MYOZ2: variants seen among roughly 807,000 people sequenced by gnomAD.
MYOZ2 encodes the protein myozenin 2.
In MYOZ2, 19 loss-of-function variants were observed where a neutral mutation model predicts 25.4. The observed-to-expected ratio is 0.75, with a 90% CI of 0.52 to 1.10. The LOEUF (loss-of-function observed/expected upper bound fraction) is 1.10, where lower values mean the gene tolerates loss of function less well. Among genes scored for constraint, MYOZ2 ranks in the 50% least tolerant of loss-of-function variants. The pLI is 0.00. For synonymous variants in MYOZ2, 92 were observed against 106.9 expected, an observed-to-expected ratio of 0.86 and a Z score of 0.86; for missense variants, 270 against 317.9, an observed-to-expected ratio of 0.85 and a Z score of 1.15.
chr4:119,150,773 T>C (rs1416193894), intron 2 of MYOZ2, 99 bp from the exon 3 acceptor site: 43 of 1,203,754 alleles, frequency 3.6e-5, no homozygotes, highest in Middle Eastern at 2.1e-4. Flanking sequence ...CTTATGATTA[T>C]GCAATTAGAA....
chr4:119,136,643 T>G (rs1431058262), intron 2 of MYOZ2, 42 bp downstream of exon 2: 1 of 1,559,776 alleles, frequency 6.4e-7, no homozygotes, highest in Non-Finnish European at 8.8e-7. Context: ...TAGCACAGCA[T>G]GAATGTGGCT....
chr4:119,178,866 CA>C (rs1324856778), intron 5 of MYOZ2, among the ~76,000 whole-genome samples: 1 of 152,204 alleles, frequency 6.6e-6, no homozygotes, highest in Non-Finnish European at 1.5e-5. Context: ...CTCGGCCTCC[CA>C]AAGTGCTGGG....
At chr4:119,176,809 T>A (rs566237253) in intron 5 of MYOZ2, among the ~76,000 whole-genome samples, 3 of 152,254 alleles carry the variant, frequency 2.0e-5, no homozygotes, top group African/African-American at 7.2e-5. Flanking sequence ...GTGAGTACTA[T>A]GTATCAGGCA....
rs79573939 is a variant in MYOZ2, at chr4:119,150,039, G to T, written c.77-833G>T. Reference sequence around the variant, plus strand: ...TCAACTGTGGCAAAAAGACTCTGTGGGTATTACAGAAATATATTAGTGATT... The same window carrying T: ...TCAACTGTGGCAAAAAGACTCTGTGTGTATTACAGAAATATATTAGTGATT... On this transcript the variant is annotated intron_variant, in intron 2 of 5. Transcript: ENST00000307128. 4.9e-3 allele frequency among the ~76,000 whole-genome samples: 743 copies of T among 152,116 alleles called. 3 individuals carry two copies. Among genetic ancestry groups the T allele is most frequent in the African/African-American group, 0.017 (705 of 41,502 alleles).
intron 2 of MYOZ2, among the ~76,000 whole-genome samples, chr4:119,140,756 A>G (rs1741144250): frequency 6.6e-6 from 1 of 152,188 alleles, no homozygotes; most frequent in African/African-American, 2.4e-5. Context: ...GAACTAGATT[A>G]TTCTGTTTGT....
chr4:119,140,283 G>T (rs958931822), intron 2 of MYOZ2, among the ~76,000 whole-genome samples: 19 of 152,254 alleles, frequency 1.2e-4, no homozygotes, highest in Admixed American at 1.2e-3. Flanking sequence ...CATGAAGACC[G>T]CTTTTACTTC....
At position 119,158,010 on chromosome 4, in the gene MYOZ2, G is replaced by C. The variant is rs766361299; in HGVS notation, c.247-12G>C. On this transcript the variant is annotated splice_polypyrimidine_tract_variant and intron_variant, in intron 3 of 5. Coordinates refer to ENST00000307128, the MANE Select transcript of MYOZ2 (RefSeq NM_016599.5). Reference sequence around the variant, plus strand: ...TGAGTTTTCAGCAGAGTTTACTTTTGATTAAATACAGCACAGTATTGCTAT... The same window carrying C: ...TGAGTTTTCAGCAGAGTTTACTTTTCATTAAATACAGCACAGTATTGCTAT... 3.7e-6 allele frequency: 6 copies of C among 1,613,694 alleles called. No individual in the cohort carries two copies. In the South Asian group the frequency reaches 6.6e-5, roughly 18 times the overall value.
chr4:119,157,205 C>A (rs547060853), intron 3 of MYOZ2, among the ~76,000 whole-genome samples: 1 of 151,954 alleles, frequency 6.6e-6, no homozygotes, highest in Non-Finnish European at 1.5e-5. Flanking sequence ...ATGATTTGAC[C>A]TAATCGCTTC....
chr4:119,185,039 A>C (rs1742261519), intron 5 of MYOZ2, among the ~76,000 whole-genome samples: 1 of 152,190 alleles, frequency 6.6e-6, no homozygotes, highest in South Asian at 2.1e-4. Flanking sequence ...ACACAAGTGG[A>C]GAAGTCAGGG....
At chr4:119,166,584 G>A (rs1452359547) in intron 5 of MYOZ2, among the ~76,000 whole-genome samples, 1 of 151,744 alleles carries the variant, frequency 6.6e-6, no homozygotes, top group Non-Finnish European at 1.5e-5. Flanking sequence ...TGCTTTAGAA[G>A]TCCACTTAAA....
intron 5 of MYOZ2, among the ~76,000 whole-genome samples, chr4:119,171,636 C>T (rs1469823770): frequency 1.3e-5 from 2 of 150,878 alleles, no homozygotes; most frequent in Non-Finnish European, 3.0e-5. Flanking sequence ...TTTTATCAAA[C>T]TACTCAAAAT....
At chr4:119,136,403 A>G in intron 1 of MYOZ2, 109 bp from the exon 2 acceptor site, 2 of 976,996 alleles carry the variant, frequency 2.0e-6, no homozygotes, top group Non-Finnish European at 3.2e-6. Context: ...AGCAAGCGAT[A>G]ATAACTTTTT....
intron 3 of MYOZ2, among the ~76,000 whole-genome samples, chr4:119,155,698 G>A (rs1468283490): frequency 6.6e-6 from 1 of 152,104 alleles, no homozygotes; most frequent in African/African-American, 2.4e-5. Context: ...AAAAGAGTTT[G>A]CATTTTATTC....
In MYOZ2 at chr4:119,156,123, G is replaced by A. The variant is rs562717534; in HGVS notation, c.247-1899G>A. Among the ~76,000 whole-genome samples, 10 of 152,026 alleles carry A rather than the reference G, an allele frequency of 6.6e-5. No individual in the cohort carries two copies. In the South Asian group the frequency reaches 1.9e-3, roughly 28 times the overall value. ...TTATAGTAAATGATACGGGAGCGGC[G>A]AGAAGAAAGACAAAAAACTTTTTAT... On this transcript the variant is annotated intron_variant, in intron 3 of 5. Coordinates refer to ENST00000307128, the MANE Select transcript of MYOZ2 (RefSeq NM_016599.5).
chr4:119,156,221 A>G (rs1222746376), intron 3 of MYOZ2, among the ~76,000 whole-genome samples: 1 of 151,888 alleles, frequency 6.6e-6, no homozygotes, highest in East Asian at 1.9e-4. Context: ...AATGACGGAG[A>G]GGGGTCCTCT....
intron 3 of MYOZ2, among the ~76,000 whole-genome samples, chr4:119,155,389 TAAAG>T (rs1011777338): frequency 2.6e-5 from 4 of 151,796 alleles, no homozygotes; most frequent in African/African-American, 7.3e-5. Context: ...CAGGAACAAA[TAAAG>T]AAAGAGCACG....
intron 5 of MYOZ2, among the ~76,000 whole-genome samples, chr4:119,166,308 G>T (rs1427187688): frequency 6.6e-6 from 1 of 152,030 alleles, no homozygotes; most frequent in South Asian, 2.1e-4. Context: ...TGTACAGGCT[G>T]GGGTACATGC....
chr4:119,169,595 T>C (rs1288934448), intron 5 of MYOZ2, among the ~76,000 whole-genome samples: 10 of 152,224 alleles, frequency 6.6e-5, no homozygotes, highest in African/African-American at 2.2e-4. Context: ...TAACCCAACA[T>C]GTGGTACCAC....
In MYOZ2 at chr4:119,186,599, G is replaced by A. The variant is rs980898356; in HGVS notation, c.*399G>A. On this transcript the variant is annotated 3_prime_UTR_variant, in exon 6 of 6. Coordinates refer to ENST00000307128, the MANE Select transcript of MYOZ2 (RefSeq NM_016599.5). ...TGAAGACCTATTCAGAGTTTCATCTGGGGATGAAAGCTATGGAAGATGATG... is the reference window on the plus strand; with the variant it reads ...TGAAGACCTATTCAGAGTTTCATCTAGGGATGAAAGCTATGGAAGATGATG... The A allele has an allele frequency of 5.0e-6, 1 of 200,780 alleles. No individual in the cohort carries two copies. Among genetic ancestry groups the A allele is most frequent in the Non-Finnish European group, 1.0e-5 (1 of 98,852 alleles). The allele number at this position is 200,780 out of a possible 1,614,324, so 12.4% of individuals were successfully genotyped here.
Sources: gnomAD v4.1 joint callset for allele counts (sites outside exome capture counted in the v4.1 genomes callset) on GRCh38, gnomAD v4.1.1 for gene constraint, MANE v1.5 for transcripts, NCBI Gene and HGNC (gene_info 2026-07-23, HGNC 2026-07-21) for gene names.